The following FER variants were observed in gnomAD, a reference collection of about 807,000 sequenced individuals.
FER encodes the protein tyrosine-protein kinase Fer.
Under a neutral mutation model 111.0 loss-of-function variants are expected in FER, and 63 were observed. The observed-to-expected ratio is 0.57, with a 90% confidence interval of 0.46 to 0.70. The LOEUF (loss-of-function observed/expected upper bound fraction) is 0.70. Among genes scored for constraint, FER ranks in the 30% least tolerant of loss-of-function variants. The pLI, the probability that FER is intolerant of heterozygous loss-of-function variation, is 0.00. For synonymous variants in FER, 327 were observed against 313.9 expected (o/e 1.04, Z -0.44); for missense variants, 914 against 954.0 (o/e 0.96, Z 0.55).
chr5:109,001,217 T>C (rs1475523135), intron 13 of FER, among the ~76,000 whole-genome samples: 1 of 152,096 alleles, frequency 6.6e-6, no homozygotes, highest in Non-Finnish European at 1.5e-5. Flanking sequence ...GATGAACATT[T>C]GATGGGAAAA....
At chr5:109,078,211 C>T (rs889073210) in intron 16 of FER, among the ~76,000 whole-genome samples, 1 of 152,034 alleles carries the variant, frequency 6.6e-6, no homozygotes, top group African/African-American at 2.4e-5. Flanking sequence ...CTCTATACTC[C>T]CTATATACAG....
chr5:108,975,402 G>A (rs1761206010), intron 13 of FER, among the ~76,000 whole-genome samples: 2 of 151,906 alleles, frequency 1.3e-5, no homozygotes, highest in Non-Finnish European at 2.9e-5. Flanking sequence ...ATGTATCCCA[G>A]AACTTAAAAT....
intron 17 of FER, among the ~76,000 whole-genome samples, chr5:109,143,874 A>AAT (rs1324553718): frequency 1.8e-4 from 27 of 149,996 alleles, no homozygotes; most frequent in Admixed American, 4.7e-4. Context: ...ATTTATATAA[A>AAT]ATATATATAT....
At position 108,934,679 on chromosome 5, in the gene FER, A is replaced by T. The variant is rs541222584; in HGVS notation, c.1237-11451A>T. On this transcript the variant is annotated intron_variant, in intron 10 of 19. Transcript: ENST00000281092. ...AGTTAGCTAGTTTTCCAGCTACTGC[A>T]CTGTAGGTGTGTGAATAGCCAGAGG... 5.9e-5 allele frequency among the ~76,000 whole-genome samples: 9 copies of T among 152,252 alleles called. 1 individual carries two copies. In the East Asian group the frequency reaches 1.7e-3, roughly 29 times the overall value.
chr5:108,927,662 C>G (rs1016495205), intron 10 of FER, among the ~76,000 whole-genome samples: 1 of 152,174 alleles, frequency 6.6e-6, no homozygotes, highest in Non-Finnish European at 1.5e-5. Flanking sequence ...TTTATCCCTG[C>G]TCATTGTCGA....
chr5:109,146,211 TA>T lies in FER; in HGVS notation c.2049-34535del, dbSNP rs1290249697. On this transcript the variant is annotated intron_variant, in intron 17 of 19. Transcript: ENST00000281092. ...ACATATATATATAATCTATCTATTT[TA>T]TATATATATATTATCTATCTAATAT... 6.7e-4 allele frequency among the ~76,000 whole-genome samples: 70 copies of T among 103,900 alleles called. 2 individuals carry two copies. The highest frequency in any genetic ancestry group is 2.6e-3 in the African/African-American group (64 of 24,698). 68.2% of individuals were successfully genotyped at this position (103,900 alleles called of 152,430 possible).
chr5:108,887,823 G>A (rs1747408499), intron 9 of FER, among the ~76,000 whole-genome samples: 1 of 151,646 alleles, frequency 6.6e-6, no homozygotes, highest in Admixed American at 6.6e-5. Flanking sequence ...TTAGAAAAAA[G>A]TTATGGGAAA....
At chr5:108,757,960 C>G (rs894946519) in intron 1 of FER, among the ~76,000 whole-genome samples, 2 of 152,084 alleles carry the variant, frequency 1.3e-5, no homozygotes, top group Non-Finnish European at 2.9e-5. Flanking sequence ...AACTGGCATT[C>G]TAAGATCTAA....
chr5:108,989,578 T>C (rs928457765), intron 13 of FER, among the ~76,000 whole-genome samples: 4 of 152,024 alleles, frequency 2.6e-5, no homozygotes, highest in African/African-American at 9.7e-5. Context: ...ATTATCCATC[T>C]TTCCATTTTT....
intron 3 of FER, among the ~76,000 whole-genome samples, chr5:108,806,345 T>C (rs1757207328): frequency 6.6e-6 from 1 of 152,158 alleles, no homozygotes; most frequent in South Asian, 2.1e-4. Flanking sequence ...GAACCTCTGC[T>C]AGGGCAATGT....
intron 9 of FER, among the ~76,000 whole-genome samples, chr5:108,886,748 C>T (rs1747234600): frequency 6.6e-6 from 1 of 151,628 alleles, no homozygotes; most frequent in African/African-American, 2.4e-5. Context: ...TAACCCAACT[C>T]TTGTTAACCT....
At chr5:109,008,431 A>G (rs1215299784) in intron 13 of FER, among the ~76,000 whole-genome samples, 5 of 152,106 alleles carry the variant, frequency 3.3e-5, no homozygotes, top group Non-Finnish European at 7.4e-5. Context: ...TTCTTTTACT[A>G]AGAACCTGAA....
In FER at chr5:109,123,546, G is replaced by A. The variant is rs187959116; in HGVS notation, c.2048+23027G>A. Among the ~76,000 whole-genome samples, 169 of 151,636 alleles carry A rather than the reference G, an allele frequency of 1.1e-3. No homozygotes were observed. In the Middle Eastern group the frequency reaches 0.017, roughly 15 times the overall value. ...CTTTTTATTTTTTTGTATATCTCTTGTATGTTTTTAAATTTGAGGTTATGA... is the reference window on the plus strand; with the variant it reads ...CTTTTTATTTTTTTGTATATCTCTTATATGTTTTTAAATTTGAGGTTATGA... On this transcript the variant is annotated intron_variant, in intron 17 of 19. Transcript: ENST00000281092.
chr5:109,110,819 C>G (rs1289066872), intron 17 of FER, among the ~76,000 whole-genome samples: 4 of 152,024 alleles, frequency 2.6e-5, no homozygotes, highest in Non-Finnish European at 5.9e-5. Flanking sequence ...TAACGTATTA[C>G]TCCATCAAAC....
intron 16 of FER, among the ~76,000 whole-genome samples, chr5:109,094,428 A>ATTTCAGAT (rs1747226551): frequency 6.6e-6 from 1 of 152,148 alleles, no homozygotes; most frequent in South Asian, 2.1e-4. Flanking sequence ...CCACTGGAAC[A>ATTTCAGAT]TTTCAGATTT....
At chr5:108,766,582 C>T (rs769925506) in intron 1 of FER, among the ~76,000 whole-genome samples, 12 of 152,188 alleles carry the variant, frequency 7.9e-5, no homozygotes, top group East Asian at 3.9e-4. Context: ...TTCCTAAGGG[C>T]GAAGGCACCC....
intron 10 of FER, among the ~76,000 whole-genome samples, chr5:108,910,419 C>T (rs1393394346): frequency 1.3e-5 from 2 of 152,086 alleles, no homozygotes; most frequent in Non-Finnish European, 2.9e-5. Flanking sequence ...TTCTTGACCA[C>T]ACTTAGCATA....
chr5:108,773,686 T>C lies in FER; in HGVS notation c.-60+5448T>C, dbSNP rs562436924. Among the ~76,000 whole-genome samples, 93 of 152,186 alleles carry C rather than the reference T, an allele frequency of 6.1e-4. 1 individual carries two copies. The highest frequency in any genetic ancestry group is 2.2e-3 in the African/African-American group (90 of 41,516). On this transcript the variant is annotated intron_variant, in intron 2 of 19. Coordinates refer to ENST00000281092, the MANE Select transcript of FER (RefSeq NM_005246.4). ...TGCATGTATCTTTATAATAGAATGA[T>C]CTGTATTTCACTGGGTATATACCCA... is the stretch of plus-strand genomic sequence containing the variant.
At chr5:109,014,443 C>G (rs11953136) in intron 13 of FER, among the ~76,000 whole-genome samples, 16,788 of 152,024 alleles carry the variant, frequency 0.11, 1,010 homozygotes, top group Non-Finnish European at 0.14. Flanking sequence ...TGATCTATAT[C>G]TCTGTTTTGG....
Sources: gnomAD v4.1 joint callset for allele counts (sites outside exome capture counted in the v4.1 genomes callset) on GRCh38, gnomAD v4.1.1 for gene constraint, MANE v1.5 for transcripts, NCBI Gene and HGNC (gene_info 2026-07-23, HGNC 2026-07-21) for gene names.